KCNAB1: variants seen among roughly 807,000 people sequenced by gnomAD.
KCNAB1 encodes the protein potassium voltage-gated channel subfamily A regulatory beta subunit 1.
KCNAB1 carries 35 observed loss-of-function variants against 64.6 expected under a neutral mutation model. The ratio of observed to expected loss-of-function variants is 0.54; its 90% CI spans 0.41 to 0.72. The LOEUF (loss-of-function observed/expected upper bound fraction) is 0.72. KCNAB1 is among the 30% of genes least tolerant of loss of function. The pLI is 0.00. For missense variants in KCNAB1, 401 were observed against 512.9 expected (o/e 0.78, Z 2.11); for synonymous variants, 177 against 183.8 (o/e 0.96, Z 0.30).
chr3:156,197,759 G>A (rs932428793), intron 1 of KCNAB1, among the ~76,000 whole-genome samples: 33 of 152,102 alleles, frequency 2.2e-4, no homozygotes, highest in African/African-American at 7.5e-4. Flanking sequence ...TATATTCATT[G>A]ATTTTTGAAG....
chr3:156,169,334 A>G (rs1354800053), intron 1 of KCNAB1, among the ~76,000 whole-genome samples: 2 of 152,222 alleles, frequency 1.3e-5, no homozygotes, highest in Non-Finnish European at 2.9e-5. Flanking sequence ...CTCAATCTAT[A>G]TAATGGAAAC....
intron 1 of KCNAB1, among the ~76,000 whole-genome samples, chr3:156,180,995 C>T (rs1712771737): frequency 6.6e-6 from 1 of 152,180 alleles, no homozygotes; most frequent in Admixed American, 6.5e-5. Flanking sequence ...CCTGAGGCCT[C>T]TCTCCTTGGC....
At chr3:156,330,344 C>T (rs547069546) in intron 1 of KCNAB1, among the ~76,000 whole-genome samples, 12 of 152,256 alleles carry the variant, frequency 7.9e-5, no homozygotes, top group Admixed American at 2.6e-4. Flanking sequence ...AGAGCAGCAT[C>T]GGCCTGTTTC....
At position 156,354,047 on chromosome 3, in the gene KCNAB1, A is replaced by ATATATGTG. The variant is rs1553851297; in HGVS notation, c.276-67568_276-67567insATATGTGT. On this transcript the variant is annotated intron_variant, in intron 1 of 13. Transcript: ENST00000490337. ...TGTCATAATGTGTGTGTGTATATAT[A>ATATATGTG]TGTGTGTGTGTGTGTGTGTGTGTGT... Among the ~76,000 whole-genome samples the ATATATGTG allele has an allele frequency of 2.9e-5, 4 of 137,566 alleles. No homozygotes were observed. In the Admixed American group the frequency reaches 2.9e-4, roughly 10 times the overall value. The allele number at this position is 137,566 out of a possible 152,430, so 90.2% of individuals were successfully genotyped here. A position where few individuals can be genotyped will look rare whatever the true frequency, so the allele number is the denominator to read the frequency against.
intron 1 of KCNAB1, among the ~76,000 whole-genome samples, chr3:156,376,175 A>G (rs1278695516): frequency 1.3e-5 from 2 of 152,210 alleles, no homozygotes; most frequent in African/African-American, 4.8e-5. Flanking sequence ...ATGGGGCTTT[A>G]TGCCAGCTCG....
intron 1 of KCNAB1, among the ~76,000 whole-genome samples, chr3:156,312,081 T>C (rs1046036627): frequency 3.3e-5 from 5 of 152,240 alleles, no homozygotes; most frequent in Non-Finnish European, 7.3e-5. Context: ...TGCCTTGAAA[T>C]GCATTAGTAA....
intron 2 of KCNAB1, among the ~76,000 whole-genome samples, 159 bp downstream of exon 2, chr3:156,421,818 A>G (rs1225709216): frequency 6.6e-6 from 1 of 152,096 alleles, no homozygotes; most frequent in Middle Eastern, 3.2e-3. Flanking sequence ...TTCTCTTCCC[A>G]TCATGACCCT....
rs190521726 is a variant in KCNAB1, at chr3:156,294,523, G to A, written c.276-127093G>A. Among the ~76,000 whole-genome samples the A allele has an allele frequency of 6.1e-4, 93 of 152,286 alleles. No individual in the cohort carries two copies. The East Asian group carries it at 0.01, about 17-fold the overall frequency. On this transcript the variant is annotated intron_variant, in intron 1 of 13. Coordinates refer to ENST00000490337, the MANE Select transcript of KCNAB1 (RefSeq NM_172160.3). ...ACTAATTATATACTTTATAAAAAAT[G>A]ATAGAAGTAACTTTTATTAGCTAAA...
chr3:156,393,296 T>C (rs1713177694), intron 1 of KCNAB1, among the ~76,000 whole-genome samples: 1 of 152,190 alleles, frequency 6.6e-6, no homozygotes, highest in Non-Finnish European at 1.5e-5. Context: ...GATGATCTCC[T>C]TGGAGTTTTT....
Position 156,452,128 on chromosome 3 carries a change from G to C in KCNAB1, c.320-771G>C, listed in dbSNP as rs994729333. ...CCCTCCTTTAGGAAGGGAAAGGAAG[G>C]GAATAAATCCTCCTTTTAGGAGGAT... On this transcript the variant is annotated intron_variant, in intron 2 of 13. Coordinates refer to ENST00000490337, the MANE Select transcript of KCNAB1 (RefSeq NM_172160.3). This position sits in a 1 kb window ranked among gnomAD's most constrained non-coding sequence, Gnocchi z 4.6. Among the ~76,000 whole-genome samples, 2 of 152,194 alleles carry C rather than the reference G, an allele frequency of 1.3e-5. No homozygotes were observed. The highest frequency in any genetic ancestry group is 2.9e-5 in the Non-Finnish European group (2 of 68,030).
At chr3:156,446,129 A>T (rs1169942891) in intron 2 of KCNAB1, 1 of 152,254 alleles carries the variant, frequency 6.6e-6, no homozygotes, top group Non-Finnish European at 1.5e-5. Flanking sequence ...ACATAAAGGC[A>T]TGGGGAAGGT....
intron 1 of KCNAB1, among the ~76,000 whole-genome samples, chr3:156,144,269 G>T (rs922538967): frequency 6.6e-5 from 10 of 152,148 alleles, no homozygotes; most frequent in African/African-American, 2.4e-4. Flanking sequence ...CAAAACTTCT[G>T]CACAGCATAA....
At chr3:156,305,003 A>C (rs1274830388) in intron 1 of KCNAB1, among the ~76,000 whole-genome samples, 1 of 152,044 alleles carries the variant, frequency 6.6e-6, no homozygotes, top group Non-Finnish European at 1.5e-5. Context: ...CATAGGGGTG[A>C]ATGGCTCGGT....
At chr3:156,357,573 A>AGCAACTTT (rs1224660629) in intron 1 of KCNAB1, among the ~76,000 whole-genome samples, 1 of 152,184 alleles carries the variant, frequency 6.6e-6, no homozygotes, top group Non-Finnish European at 1.5e-5. Flanking sequence ...AGAGTGCTAC[A>AGCAACTTT]GCAACTTTCT....
intron 1 of KCNAB1, among the ~76,000 whole-genome samples, chr3:156,377,697 T>G (rs887469812): frequency 6.6e-6 from 1 of 151,402 alleles, no homozygotes; most frequent in Admixed American, 6.6e-5. Flanking sequence ...ATGCAGGAGG[T>G]AAATACCTGC....
intron 1 of KCNAB1, among the ~76,000 whole-genome samples, chr3:156,129,275 C>T (rs767252846): frequency 3.3e-5 from 5 of 152,080 alleles, no homozygotes; most frequent in African/African-American, 7.2e-5. Flanking sequence ...TACTCCATAT[C>T]GAAGGTCAAC....
At chr3:156,124,324 C>T (rs540204068) in intron 1 of KCNAB1, among the ~76,000 whole-genome samples, 116 of 151,620 alleles carry the variant, frequency 7.7e-4, no homozygotes, top group African/African-American at 2.7e-3. Flanking sequence ...TCGAGCGATT[C>T]GCCTGCCTCA....
chr3:156,457,129 T>G (rs1712494315), intron 3 of KCNAB1: 14 of 947,332 alleles, frequency 1.5e-5, no homozygotes, highest in Non-Finnish European at 1.8e-5. Context: ...AATGGCCCTC[T>G]TTGTCAGAAA....
intron 1 of KCNAB1, among the ~76,000 whole-genome samples, chr3:156,171,974 T>C (rs1258810664): frequency 7.2e-5 from 11 of 152,214 alleles, no homozygotes; most frequent in African/African-American, 2.4e-4. Context: ...GGGTGTTCTT[T>C]AATGAGAAAT....
Sources: allele counts gnomAD v4.1 joint callset (sites outside exome capture counted in the v4.1 genomes callset), GRCh38; gene constraint gnomAD v4.1.1; non-coding constraint Gnocchi (gnomAD v3.1); transcripts MANE v1.5; gene names NCBI Gene and HGNC (gene_info 2026-07-23, HGNC 2026-07-21).